The following ERC1 variants were observed in gnomAD, a reference collection of about 807,000 sequenced individuals.
ERC1 encodes the protein ELKS/RAB6-interacting/CAST family member 1, also known as RAB6 interacting protein 2.
ERC1 carries 56 observed loss-of-function variants against 132.0 expected under a neutral mutation model. The ratio of observed to expected loss-of-function variants is 0.42; its 90% confidence interval spans 0.34 to 0.53. ERC1 has a LOEUF of 0.53. ERC1 is among the 20% of genes least tolerant of loss of function. The pLI, the probability that ERC1 is intolerant of heterozygous loss-of-function variation, is 0.03. For synonymous variants in ERC1, 478 were observed against 476.1 expected (o/e 1.00, Z -0.05); for missense variants, 1,202 against 1,349.9 (o/e 0.89, Z 1.72).
intron 2 of ERC1, among the ~76,000 whole-genome samples, chr12:1,037,151 C>G (rs1264041474): frequency 6.6e-6 from 1 of 152,156 alleles, no homozygotes; most frequent in Non-Finnish European, 1.5e-5. Context: ...AAATGTTGCA[C>G]AAATATGAGA....
chr12:1,196,957 CACACAT>C (rs1251517060), intron 12 of ERC1, among the ~76,000 whole-genome samples: 446 of 21,470 alleles, frequency 0.021, 6 homozygotes, highest in Non-Finnish European at 0.026. Flanking sequence ...CACACACACA[CACACAT>C]ATATATATAT....
chr12:1,408,290 T>A, intron 17 of ERC1, 43 bp downstream of exon 17: 2 of 1,447,996 alleles, frequency 1.4e-6, no homozygotes, highest in Non-Finnish European at 9.6e-7. Flanking sequence ...CCCACACACT[T>A]AAATTTTGAA....
chr12:1,301,781 C>T (rs1240314423), intron 15 of ERC1, among the ~76,000 whole-genome samples: 1 of 151,820 alleles, frequency 6.6e-6, no homozygotes, highest in African/African-American at 2.4e-5. Context: ...ACAAGTTTAC[C>T]TATTTAACAA....
At chr12:1,065,089 C>T (rs1426703158) in intron 2 of ERC1, among the ~76,000 whole-genome samples, 1 of 152,148 alleles carries the variant, frequency 6.6e-6, no homozygotes, top group Non-Finnish European at 1.5e-5. Context: ...CAACCTCCGC[C>T]TCCTGGGTTC....
intron 15 of ERC1, among the ~76,000 whole-genome samples, chr12:1,326,842 G>T (rs59081735): frequency 0.059 from 8,924 of 151,736 alleles, 318 homozygotes; most frequent in East Asian, 0.13. Context: ...CTGAAATAGT[G>T]TGTGACGTAG....
chr12:1,085,822 A>G (rs1942897256), intron 3 of ERC1, among the ~76,000 whole-genome samples: 1 of 3,004 alleles, frequency 3.3e-4, no homozygotes, highest in African/African-American at 1.0e-3. Flanking sequence ...GCCCATTATT[A>G]TTATTATTGT....
intron 18 of ERC1, among the ~76,000 whole-genome samples, chr12:1,457,625 A>G (rs2093566068): frequency 6.6e-6 from 1 of 152,164 alleles, no homozygotes; most frequent in Non-Finnish European, 1.5e-5. Context: ...CCATTTTTTT[A>G]TACATTAAGC....
At chr12:1,359,151 A>T (rs940244241) in intron 15 of ERC1, among the ~76,000 whole-genome samples, 1 of 152,204 alleles carries the variant, frequency 6.6e-6, no homozygotes, top group Admixed American at 6.5e-5. Flanking sequence ...TTCAGGGAAA[A>T]GTAGGCTCAG....
intron 8 of ERC1, among the ~76,000 whole-genome samples, chr12:1,155,736 G>T (rs935923935): frequency 6.6e-6 from 1 of 152,130 alleles, no homozygotes; most frequent in Non-Finnish European, 1.5e-5. Flanking sequence ...CTCCCAAAGT[G>T]CTGGGATTAC....
intron 18 of ERC1, among the ~76,000 whole-genome samples, chr12:1,486,480 A>T (rs2094217963): frequency 6.6e-6 from 1 of 152,108 alleles, no homozygotes; most frequent in African/African-American, 2.4e-5. Flanking sequence ...GCTGGAGTAC[A>T]GTGGCACGAT....
chr12:999,016 C>T (rs1961575070), intron 1 of ERC1, among the ~76,000 whole-genome samples: 2 of 152,004 alleles, frequency 1.3e-5, no homozygotes, highest in South Asian at 2.1e-4. Flanking sequence ...TGCACCACCA[C>T]ACCCAGCTAA....
At chr12:1,049,031 A>T (rs879474354) in intron 2 of ERC1, among the ~76,000 whole-genome samples, 1 of 152,260 alleles carries the variant, frequency 6.6e-6, no homozygotes, top group Non-Finnish European at 1.5e-5. Flanking sequence ...AATTATAAGT[A>T]TCTGAGACAG....
intron 17 of ERC1, among the ~76,000 whole-genome samples, chr12:1,431,230 T>A (rs2092788361): frequency 6.6e-6 from 1 of 152,182 alleles, no homozygotes; most frequent in Non-Finnish European, 1.5e-5. Flanking sequence ...ATTCAGAAAG[T>A]TAGGCAGGGG....
intron 16 of ERC1, chr12:1,390,586 T>A (rs2089868935): frequency 6.6e-6 from 1 of 152,160 alleles, no homozygotes; most frequent in Non-Finnish European, 1.5e-5. Flanking sequence ...AAGTCAAAAG[T>A]ACTTACCAGA....
chr12:1,292,703 A>G (rs1392343369), intron 15 of ERC1, among the ~76,000 whole-genome samples: 1 of 152,214 alleles, frequency 6.6e-6, no homozygotes, highest in African/African-American at 2.4e-5. Context: ...AGTAGAGTAC[A>G]ATTGTGATTA....
intron 1 of ERC1, among the ~76,000 whole-genome samples, chr12:1,013,095 C>T (rs1348348611): frequency 6.6e-6 from 1 of 152,066 alleles, no homozygotes; most frequent in Non-Finnish European, 1.5e-5. Context: ...TTGAGCTGAT[C>T]ACGATGTAGT....
At chr12:1,004,024 C>T (rs1273080233) in intron 1 of ERC1, among the ~76,000 whole-genome samples, 2 of 152,122 alleles carry the variant, frequency 1.3e-5, no homozygotes, top group South Asian at 4.1e-4. Flanking sequence ...GAGAAACTGT[C>T]TCATGGCAGC....
At chr12:1,401,035 A>G (rs565921284) in intron 16 of ERC1, among the ~76,000 whole-genome samples, 2 of 136,386 alleles carry the variant, frequency 1.5e-5, no homozygotes, top group Admixed American at 1.7e-4. Context: ...TCCCGGGTTC[A>G]CGCCATTCTC....
chr12:1,159,800 G>C (rs1024907071), intron 8 of ERC1, among the ~76,000 whole-genome samples: 1 of 152,134 alleles, frequency 6.6e-6, no homozygotes, highest in Non-Finnish European at 1.5e-5. Context: ...TGGGATTCAT[G>C]TTCCGTTCAC....
Sources: allele counts gnomAD v4.1 joint callset (sites outside exome capture counted in the v4.1 genomes callset), GRCh38; gene constraint gnomAD v4.1.1; transcripts MANE v1.5; gene names NCBI Gene and HGNC (gene_info 2026-07-23, HGNC 2026-07-21).